VSIG10: variants seen among roughly 807,000 people sequenced by gnomAD.
VSIG10 encodes V-set and immunoglobulin domain containing 10, also known as V-set and immunoglobulin domain-containing protein 10.
A neutral mutation model predicts 58.7 loss-of-function variants in VSIG10; 48 were observed. The ratio of observed to expected loss-of-function variants is 0.82; its 90% CI spans 0.65 to 1.04. VSIG10 has a LOEUF of 1.04. VSIG10 is among the 50% of genes least tolerant of loss of function. VSIG10 has a pLI of 0.00. For synonymous variants in VSIG10, 260 were observed against 267.1 expected (o/e 0.97, Z 0.26); for missense variants, 628 against 670.0 (o/e 0.94, Z 0.69).
Position 118,066,619 on chromosome 12 carries a change from A to G in VSIG10, c.*20T>C, listed in dbSNP as rs758435131. ...CTCTCCAAGCTTTCAGAGCAAGACA[A>G]CCATGGACCATCCTCTTCTTCAGAC... On this transcript the variant is annotated 3_prime_UTR_variant, in exon 9 of 9. Coordinates refer to ENST00000359236, the MANE Select transcript of VSIG10 (RefSeq NM_019086.6). The G allele has an allele frequency of 4.3e-6, 7 of 1,613,704 alleles. No individual in the cohort carries two copies.
At chr12:118,093,422 C>G (rs1742894028) in intron 2 of VSIG10, among the ~76,000 whole-genome samples, 1 of 151,648 alleles carries the variant, frequency 6.6e-6, no homozygotes, top group Non-Finnish European at 1.5e-5. Context: ...GTTAACCAAG[C>G]TGGTTCCAAA....
intron 4 of VSIG10, among the ~76,000 whole-genome samples, chr12:118,076,247 C>T (rs775032498): frequency 1.4e-4 from 22 of 152,126 alleles, no homozygotes; most frequent in African/African-American, 4.1e-4. Flanking sequence ...TCCTTTTGGA[C>T]GCTCTAGAGC....
intron 3 of VSIG10, among the ~76,000 whole-genome samples, chr12:118,080,079 C>T (rs2032891614): frequency 6.6e-6 from 1 of 152,256 alleles, no homozygotes; most frequent in South Asian, 2.1e-4. Context: ...GGTGATCCAC[C>T]TGCCTCAGCC....
chr12:118,073,244 C>G (rs2032571361), intron 5 of VSIG10, among the ~76,000 whole-genome samples: 1 of 152,196 alleles, frequency 6.6e-6, no homozygotes, highest in South Asian at 2.1e-4. Flanking sequence ...AGGCTGGTCT[C>G]AAACTCCTGG....
At chr12:118,079,693 T>C in intron 3 of VSIG10, 87 bp from the exon 4 acceptor site, 1 of 1,543,862 alleles carries the variant, frequency 6.5e-7, no homozygotes, top group East Asian at 2.3e-5. Context: ...AGAACCAGGG[T>C]CTCAGAGGGA....
intron 4 of VSIG10, among the ~76,000 whole-genome samples, chr12:118,076,634 T>C (rs80287338): frequency 0.04 from 6,010 of 151,448 alleles, 140 homozygotes; most frequent in Non-Finnish European, 0.055. Context: ...CTACCACATC[T>C]GACTGATCCT....
chr12:118,065,481 GCT>G lies in VSIG10; in HGVS notation c.*1156_*1157del, dbSNP rs1338218941. 2.0e-5 allele frequency: 3 copies of G among 152,170 alleles called. No individual in the cohort carries two copies. Among genetic ancestry groups the G allele is most frequent in the African/African-American group, 7.2e-5 (3 of 41,426 alleles). 9.4% of individuals were successfully genotyped at this position (152,170 alleles called of 1,614,324 possible). On this transcript the variant is annotated 3_prime_UTR_variant, in exon 9 of 9. Transcript: ENST00000359236. ...GGGAAATAAAACTGGTTAAGACAGT[GCT>G]CTGATATGCTTAGTTTAGTTCCTTC...
chr12:118,076,238 C>G (rs2032720233), intron 4 of VSIG10, among the ~76,000 whole-genome samples: 1 of 152,116 alleles, frequency 6.6e-6, no homozygotes, highest in African/African-American at 2.4e-5. Context: ...AGAGCTGGTT[C>G]CTTTTGGACG....
chr12:118,084,836 G>A (rs1158042126), intron 2 of VSIG10, among the ~76,000 whole-genome samples: 2 of 152,118 alleles, frequency 1.3e-5, no homozygotes, highest in Non-Finnish European at 2.9e-5. Flanking sequence ...TGGCTAACAC[G>A]GTGAAACCCC....
intron 7 of VSIG10, among the ~76,000 whole-genome samples, chr12:118,069,299 A>G (rs373962181): frequency 4.0e-5 from 6 of 151,694 alleles, no homozygotes; most frequent in African/African-American, 1.5e-4. Flanking sequence ...CATGTTGGCC[A>G]GGCTGGTCTC....
chr12:118,072,343 C>G (rs555816675), intron 5 of VSIG10, among the ~76,000 whole-genome samples: 38 of 146,396 alleles, frequency 2.6e-4, no homozygotes, highest in African/African-American at 9.6e-4. Flanking sequence ...CGGGCGCCTG[C>G]AGTCCCAGCT....
In VSIG10 at chr12:118,088,974, C is replaced by T. The variant is rs189917653; in HGVS notation, c.362-6545G>A. 3.1e-3 allele frequency among the ~76,000 whole-genome samples: 468 copies of T among 149,086 alleles called. 4 individuals are homozygous for T. Among genetic ancestry groups the T allele is most frequent in the South Asian group, 0.02 (93 of 4,718 alleles). The stretch of plus-strand genomic sequence containing the variant: ...TTTTTTTTTTTTTTTATGAGACAGA[C>T]TCTTGTTCTGTCACCCAGGCTGGGG... On this transcript the variant is annotated intron_variant, in intron 2 of 8. Coordinates refer to ENST00000359236, the MANE Select transcript of VSIG10 (RefSeq NM_019086.6).
rs2032153338 is a variant in VSIG10, at chr12:118,063,740, C to T, written c.*2899G>A. 1.3e-5 allele frequency: 2 copies of T among 152,150 alleles called. No homozygotes were observed. Among genetic ancestry groups the T allele is most frequent in the Non-Finnish European group, 2.9e-5 (2 of 68,032 alleles). The allele number at this position is 152,150 out of a possible 1,614,324, so 9.4% of individuals were successfully genotyped here. The stretch of plus-strand genomic sequence containing the variant: ...ATTTTTCTTTGCAGCAGTTCCTGGC[C>T]AGTCCCAACGTGAGAAATATCAGTT... On this transcript the variant is annotated 3_prime_UTR_variant, in exon 9 of 9. Coordinates refer to ENST00000359236, the MANE Select transcript of VSIG10 (RefSeq NM_019086.6).
chr12:118,066,784 T>A (rs879705611), intron 8 of VSIG10, 90 bp from the exon 9 acceptor site: 24 of 1,384,402 alleles, frequency 1.7e-5, no homozygotes, highest in Middle Eastern at 1.9e-4. Context: ...TGATTTCTAG[T>A]CCTTTCCTGG....
At chr12:118,096,937 G>A (rs1345454451) in intron 1 of VSIG10, among the ~76,000 whole-genome samples, 1 of 152,148 alleles carries the variant, frequency 6.6e-6, no homozygotes, top group Admixed American at 6.5e-5. Context: ...TACTCGGGAA[G>A]CTAAGGTGGG....
chr12:118,077,281 T>C (rs1378289137), intron 4 of VSIG10, among the ~76,000 whole-genome samples: 1 of 152,042 alleles, frequency 6.6e-6, no homozygotes, highest in African/African-American at 2.4e-5. Context: ...CCACGGATCT[T>C]CACCTAGCCA....
chr12:118,077,074 T>C (rs1425274874), intron 4 of VSIG10, among the ~76,000 whole-genome samples: 1 of 152,198 alleles, frequency 6.6e-6, no homozygotes, highest in Non-Finnish European at 1.5e-5. Flanking sequence ...TAAAGTCATA[T>C]CCACAGGTAT....
At chr12:118,067,167 G>T (rs919991904) in intron 8 of VSIG10, among the ~76,000 whole-genome samples, 2 of 152,008 alleles carry the variant, frequency 1.3e-5, no homozygotes, top group African/African-American at 4.8e-5. Flanking sequence ...TGGGGCTACA[G>T]GTACATGCCA....
intron 7 of VSIG10, among the ~76,000 whole-genome samples, chr12:118,069,723 G>C (rs956845297): frequency 1.3e-5 from 2 of 152,044 alleles, no homozygotes. Flanking sequence ...CACTGCACCC[G>C]GCCTGGACTA....
Sources: gnomAD v4.1 joint callset for allele counts (sites outside exome capture counted in the v4.1 genomes callset) on GRCh38, gnomAD v4.1.1 for gene constraint, MANE v1.5 for transcripts, NCBI Gene and HGNC (gene_info 2026-07-23, HGNC 2026-07-21) for gene names.